ZDHHC13: variants seen among roughly 807,000 people sequenced by gnomAD.
ZDHHC13 encodes the protein zDHHC palmitoyltransferase 13.
In ZDHHC13, 85 loss-of-function variants were observed where a neutral mutation model predicts 86.0. The ratio of observed to expected loss-of-function variants is 0.99; its 90% CI spans 0.83 to 1.18. The LOEUF is 1.18. Among genes scored for constraint, ZDHHC13 ranks in the 50% most tolerant of loss-of-function variants. The pLI is 0.00. For synonymous variants in ZDHHC13, 263 were observed against 246.4 expected (o/e 1.07, Z -0.63); for missense variants, 711 against 730.2 (o/e 0.97, Z 0.30).
intron 16 of ZDHHC13, among the ~76,000 whole-genome samples, chr11:19,173,794 G>A (rs1850287635): frequency 6.6e-6 from 1 of 152,220 alleles, no homozygotes; most frequent in South Asian, 2.1e-4. Flanking sequence ...CTGTGATAGA[G>A]TTGGAATTTG....
chr11:19,154,355 T>A (rs980753957), intron 8 of ZDHHC13, among the ~76,000 whole-genome samples: 3 of 152,178 alleles, frequency 2.0e-5, no homozygotes, highest in African/African-American at 2.4e-5. Flanking sequence ...TGAGATTATG[T>A]TGCTAGGAGA....
In ZDHHC13 at chr11:19,158,937, TAGG is replaced by T; in HGVS notation, c.1008-2_1008del. 6.6e-7 allele frequency: 1 copy of T among 1,511,676 alleles called. No homozygotes were observed. Among genetic ancestry groups the T allele is most frequent in the Non-Finnish European group, 8.8e-7 (1 of 1,130,070 alleles). 93.6% of individuals were successfully genotyped at this position (1,511,676 alleles called of 1,614,324 possible). On this transcript the variant is annotated splice_acceptor_variant and coding_sequence_variant, in exon 10 of 17. Coordinates refer to ENST00000446113, the MANE Select transcript of ZDHHC13 (RefSeq NM_019028.3). LOFTEE classifies it high-confidence loss of function. The stretch of plus-strand genomic sequence containing the variant: ...TAACTTATATTTATCTTTTTTCTTT[TAGG>T]TTCTTGGTTGGGTATAAGAACCTTG...
chr11:19,126,299 C>A (rs73438344), intron 1 of ZDHHC13, among the ~76,000 whole-genome samples: 7,545 of 151,298 alleles, frequency 0.05, 185 homozygotes, highest in East Asian at 0.059. Flanking sequence ...TCAAGTATAC[C>A]CCAGTGTCTG....
chr11:19,168,373 A>C (rs1850131253), intron 14 of ZDHHC13: 1 of 152,196 alleles, frequency 6.6e-6, no homozygotes, highest in Non-Finnish European at 1.5e-5. Flanking sequence ...GACCAGCATA[A>C]GACTGTATTG....
chr11:19,149,234 A>T lies in ZDHHC13; in HGVS notation c.422A>T (p.Asp141Val). Reference sequence around the variant, plus strand: ...ATATTATTACTCCAGCATGGTGCAGACCCCACTCTTATTGATGGAGAGGGA... The same window carrying T: ...ATATTATTACTCCAGCATGGTGCAGTCCCCACTCTTATTGATGGAGAGGGA... ...MVILLLQHGA[D>V]PTLIDGEGFS... Residue 141 changes from aspartate to valine, a missense_variant, in exon 5 of 17, where the codon GAC (aspartate) becomes GTC (valine). Physicochemically the swap from Asp to Val is radical, Grantham distance 152. Coordinates refer to ENST00000446113, the MANE Select transcript of ZDHHC13 (RefSeq NM_019028.3). The T allele has an allele frequency of 6.2e-7, 1 of 1,605,468 alleles. No individual in the cohort carries two copies. The highest frequency in any genetic ancestry group is 8.5e-7 in the Non-Finnish European group (1 of 1,175,068).
chr11:19,172,966 T>A, intron 16 of ZDHHC13, 146 bp downstream of exon 16: 1 of 654,424 alleles, frequency 1.5e-6, no homozygotes, highest in African/African-American at 1.8e-5. Context: ...AGAGAAGCTT[T>A]AGTGATGGGG....
intron 15 of ZDHHC13, among the ~76,000 whole-genome samples, chr11:19,171,061 G>A (rs1433336143): frequency 6.6e-6 from 1 of 152,120 alleles, no homozygotes; most frequent in African/African-American, 2.4e-5. Flanking sequence ...TTTTTCCAGC[G>A]CTGTTTGTTA....
intron 1 of ZDHHC13, among the ~76,000 whole-genome samples, chr11:19,134,403 T>A (rs904869593): frequency 6.6e-6 from 1 of 151,838 alleles, no homozygotes; most frequent in Admixed American, 6.6e-5. Context: ...AATATACATG[T>A]ACACGTATGT....
In ZDHHC13 at chr11:19,166,382, A is replaced by G; in HGVS notation, c.1471A>G (p.Ile491Val). 1 of 1,610,098 alleles carries G rather than the reference A, an allele frequency of 6.2e-7. No individual in the cohort carries two copies. The highest frequency in any genetic ancestry group is 2.2e-5 in the East Asian group (1 of 44,746). Residue 491 changes from isoleucine (I) to valine (V), a missense_variant, in exon 14 of 17, where the codon ATC becomes GTC. By Grantham distance (29) the Ile-to-Val change is conservative. Coordinates refer to ENST00000446113, the MANE Select transcript of ZDHHC13 (RefSeq NM_019028.3). The stretch of plus-strand genomic sequence containing the variant: ...TGGCTGGATTATATATGGATCTTTC[A>G]TCTGTAAGTGTAAATTTTTCTTACA... ...VCGWIIYGSF[I>V]YLSSHCATTF...
intron 4 of ZDHHC13, 77 bp downstream of exon 4, chr11:19,147,750 G>T (rs529137102): frequency 5.9e-6 from 5 of 841,728 alleles, no homozygotes; most frequent in East Asian, 3.6e-5. Flanking sequence ...AGTTATAGAC[G>T]ATTTGAAAGG....
At chr11:19,154,998 T>C (rs1041085026) in intron 8 of ZDHHC13, among the ~76,000 whole-genome samples, 4 of 152,196 alleles carry the variant, frequency 2.6e-5, no homozygotes, top group Admixed American at 1.3e-4. Context: ...TAGATGTCCA[T>C]AGGCATTTAA....
At chr11:19,147,770 CT>C (rs1022119924) in intron 4 of ZDHHC13, 97 bp downstream of exon 4, 21 of 462,974 alleles carry the variant, frequency 4.5e-5, no homozygotes, top group East Asian at 2.6e-4. Flanking sequence ...GCTGTCTTTT[CT>C]TCCCCCCCCC....
chr11:19,172,809 G>A lies in ZDHHC13; in HGVS notation c.1719G>A (p.Lys573=). The change falls in exon 16 of 17, where the codon AAG becomes AAA. Residue 573 remains lysine, a synonymous_variant. Coordinates refer to ENST00000446113, the MANE Select transcript of ZDHHC13 (RefSeq NM_019028.3). ...KHMKQTLSLR[K]TPYNLGFMQN... Reference sequence around the variant, plus strand: ...TGAAACAGACGTTGTCCCTCAGGAAGACACCATACAAGTAAGCGAGACCTG... The same window carrying A: ...TGAAACAGACGTTGTCCCTCAGGAAAACACCATACAAGTAAGCGAGACCTG... The A allele has an allele frequency of 6.2e-7, 1 of 1,602,058 alleles. No individual in the cohort carries two copies. The highest frequency in any genetic ancestry group is 8.5e-7 in the Non-Finnish European group (1 of 1,174,382).
chr11:19,117,550 G>A lies in ZDHHC13; in HGVS notation c.27+274G>A, dbSNP rs1164832194. 7.7e-6 allele frequency: 3 copies of A among 389,184 alleles called. No homozygotes were observed. Among genetic ancestry groups the A allele is most frequent in the Non-Finnish European group, 1.4e-5 (3 of 219,330 alleles). The allele number at this position is 389,184 out of a possible 1,614,324, so 24.1% of individuals were successfully genotyped here. A position where few individuals can be genotyped will look rare whatever the true frequency, so the allele number is the denominator to read the frequency against. On this transcript the variant is annotated intron_variant, in intron 1 of 16. Transcript: ENST00000446113. This position sits in a 1 kb window ranked among gnomAD's most constrained non-coding sequence, Gnocchi z 4.2. ...AGGGCGCCCCCTGGGGCCGGTACCC[G>A]GAGCCCGGCGGGGACCTCTGTGGGC...
chr11:19,117,480 AG>A lies in ZDHHC13; in HGVS notation c.27+208del, dbSNP rs957574696. ...GACTGGGAAGAAAAGGCGAGGACTG[AG>A]GGGTGAGGGCCCGAGCCGGCCCCTC... On this transcript the variant is annotated intron_variant, in intron 1 of 16. Transcript: ENST00000446113. This position sits in a 1 kb window ranked among gnomAD's most constrained non-coding sequence, Gnocchi z 4.2. Among the ~76,000 whole-genome samples the A allele has an allele frequency of 2.6e-5, 4 of 151,824 alleles. No homozygotes were observed. Among genetic ancestry groups the A allele is most frequent in the Non-Finnish European group, 4.4e-5 (3 of 67,922 alleles).
At chr11:19,153,125 A>G (rs1465937617) in intron 8 of ZDHHC13, among the ~76,000 whole-genome samples, 1 of 152,206 alleles carries the variant, frequency 6.6e-6, no homozygotes, top group Non-Finnish European at 1.5e-5. Context: ...TTTAAAAATG[A>G]TAGTGTTGAA....
At position 19,173,840 on chromosome 11, in the gene ZDHHC13, T is replaced by C. The variant is rs74472649; in HGVS notation, c.1730+1020T>C. ...TTGAGAGATGTGGGGCAGGGCACAA[T>C]GGAGTTGGGAGGGAGGAAGGGCATT... On this transcript the variant is annotated intron_variant, in intron 16 of 16. Coordinates refer to ENST00000446113, the MANE Select transcript of ZDHHC13 (RefSeq NM_019028.3). Among the ~76,000 whole-genome samples the C allele has an allele frequency of 5.4e-3, 828 of 152,082 alleles. 4 individuals carry two copies. Among genetic ancestry groups the C allele is most frequent in the African/African-American group, 0.019 (779 of 41,478 alleles).
At chr11:19,153,795 C>T (rs771685505) in intron 8 of ZDHHC13, among the ~76,000 whole-genome samples, 16 of 152,180 alleles carry the variant, frequency 1.1e-4, no homozygotes, top group Non-Finnish European at 2.1e-4. Flanking sequence ...CCCACCCTTC[C>T]CCTGACTAAG....
chr11:19,146,188 AT>A lies in ZDHHC13; in HGVS notation c.186del (p.Phe62LeufsTer8). ...CDIVKATQYG[I>X]FERCKELVEA... ...TTTTTTTTCTTCTTTGAGATACGGA[AT>A]TTTTGAACGATGTAAAGAGTTGGTA... is the stretch of plus-strand genomic sequence containing the variant. On this transcript the variant is annotated frameshift_variant, in exon 3 of 17. Coordinates refer to ENST00000446113, the MANE Select transcript of ZDHHC13 (RefSeq NM_019028.3). LOFTEE classifies it high-confidence loss of function. The A allele has an allele frequency of 6.3e-7, 1 of 1,585,170 alleles. No homozygotes were observed. The highest frequency in any genetic ancestry group is 1.4e-5 in the African/African-American group (1 of 73,556).
Sources: allele counts gnomAD v4.1 joint callset (sites outside exome capture counted in the v4.1 genomes callset), GRCh38; gene constraint gnomAD v4.1.1; non-coding constraint Gnocchi (gnomAD v3.1); transcripts MANE v1.5; gene names NCBI Gene and HGNC (gene_info 2026-07-23, HGNC 2026-07-21).